DOCK3: variants seen among roughly 807,000 people sequenced by gnomAD.
The protein encoded by DOCK3 is dedicator of cytokinesis 3, also known as dedicator of cytokinesis protein 3.
In DOCK3, 60 loss-of-function variants were observed where a neutral mutation model predicts 265.6. The observed-to-expected ratio is 0.23, with a 90% CI of 0.18 to 0.28. The LOEUF (loss-of-function observed/expected upper bound fraction) is 0.28. Among genes scored for constraint, DOCK3 ranks in the 10% least tolerant of loss-of-function variants. The pLI, the probability that DOCK3 is intolerant of heterozygous loss-of-function variation, is 1.00. For missense variants in DOCK3, 1,981 were observed against 2,594.3 expected (o/e 0.76, Z 5.14); for synonymous variants, 881 against 938.0 (o/e 0.94, Z 1.11).
chr3:51,362,460 ACT>A, intron 48 of DOCK3, 65 bp from the exon 49 acceptor site: 1 of 1,604,118 alleles, frequency 6.2e-7, no homozygotes, highest in Non-Finnish European at 8.5e-7. Flanking sequence ...GAAAAAGCAA[ACT>A]CTGTGCCAGC....
chr3:51,018,081 G>A (rs1181458323), intron 5 of DOCK3, among the ~76,000 whole-genome samples: 3 of 151,168 alleles, frequency 2.0e-5, no homozygotes, highest in African/African-American at 7.4e-5. Context: ...GAGTAGAGAT[G>A]GGGTTTCACT....
chr3:51,107,963 A>G (rs2083357463), intron 9 of DOCK3, among the ~76,000 whole-genome samples: 2 of 152,206 alleles, frequency 1.3e-5, no homozygotes, highest in Non-Finnish European at 2.9e-5. Flanking sequence ...CTACAAAGGG[A>G]AGCCCATCAA....
intron 12 of DOCK3, among the ~76,000 whole-genome samples, chr3:51,180,285 G>T (rs1219663082): frequency 6.6e-6 from 1 of 151,660 alleles, no homozygotes; most frequent in Admixed American, 6.6e-5. Context: ...TGAGATCATG[G>T]TTTAGATTTA....
intron 12 of DOCK3, among the ~76,000 whole-genome samples, chr3:51,179,833 G>A (rs1222383110): frequency 2.6e-5 from 4 of 151,984 alleles, no homozygotes; most frequent in Non-Finnish European, 5.9e-5. Context: ...GATTGCTTGA[G>A]CCTGGAAGTT....
chr3:50,956,977 C>T (rs542350861), intron 5 of DOCK3, among the ~76,000 whole-genome samples: 196 of 152,284 alleles, frequency 1.3e-3, no homozygotes, highest in Non-Finnish European at 2.3e-3. Flanking sequence ...ATTCTCATGC[C>T]TCCGCCTTCG....
chr3:51,373,649 C>T (rs926789408), intron 49 of DOCK3, among the ~76,000 whole-genome samples: 7 of 152,234 alleles, frequency 4.6e-5, no homozygotes, highest in African/African-American at 1.7e-4. Flanking sequence ...ATGGTGTGGC[C>T]TCCATAACAG....
At chr3:51,133,237 A>G (rs2084641743) in intron 9 of DOCK3, among the ~76,000 whole-genome samples, 1 of 152,012 alleles carries the variant, frequency 6.6e-6, no homozygotes, top group Admixed American at 6.5e-5. Flanking sequence ...CATATGTTAC[A>G]TGTGCCATGT....
intron 5 of DOCK3, among the ~76,000 whole-genome samples, chr3:50,940,745 C>T (rs2076269746): frequency 6.6e-6 from 1 of 151,942 alleles, no homozygotes; most frequent in Non-Finnish European, 1.5e-5. Context: ...CTTAAAGGGA[C>T]CAAGATAGAG....
At chr3:51,275,014 A>G (rs1253197408) in intron 24 of DOCK3, 65 bp from the exon 25 acceptor site, 67 of 1,604,926 alleles carry the variant, frequency 4.2e-5, no homozygotes, top group Non-Finnish European at 5.0e-5. Flanking sequence ...CCACAATGCC[A>G]CTGGCTTCCT....
intron 5 of DOCK3, among the ~76,000 whole-genome samples, chr3:51,049,302 G>A (rs4596182): frequency 0.84 from 127,620 of 151,838 alleles, 54,057 homozygotes; most frequent in East Asian, 0.95. Context: ...CTCCTGCCTG[G>A]GTGAAAGAGT....
intron 1 of DOCK3, among the ~76,000 whole-genome samples, chr3:50,730,999 G>A (rs1253984050): frequency 6.6e-6 from 1 of 151,792 alleles, no homozygotes; most frequent in Admixed American, 6.6e-5. Flanking sequence ...GGGCGTGGTG[G>A]TGGGCGCCTA....
In DOCK3 at chr3:50,675,603, A is replaced by G. The variant is rs935938901; in HGVS notation, c.37+303A>G. On this transcript the variant is annotated intron_variant, in intron 1 of 52. Transcript: ENST00000266037. This position sits in a 1 kb window ranked among gnomAD's most constrained non-coding sequence, Gnocchi z 6.1. ...GGTTTCTGGTGTGGGCCACGGGGCAATTTTACCCGATAAACCAAATTCTGG... is the reference window on the plus strand; with the variant it reads ...GGTTTCTGGTGTGGGCCACGGGGCAGTTTTACCCGATAAACCAAATTCTGG... 3.3e-5 allele frequency among the ~76,000 whole-genome samples: 5 copies of G among 152,148 alleles called. No homozygotes were observed. Among genetic ancestry groups the G allele is most frequent in the Non-Finnish European group, 7.4e-5 (5 of 68,008 alleles).
chr3:51,270,707 T>C (rs2080448388), intron 23 of DOCK3, 108 bp from the exon 24 acceptor site: 3 of 1,166,456 alleles, frequency 2.6e-6, no homozygotes, highest in Non-Finnish European at 2.4e-6. Flanking sequence ...AAGGCAGAGA[T>C]GCTACAGTGC....
chr3:51,201,835 G>A (rs1161742180), intron 12 of DOCK3, among the ~76,000 whole-genome samples: 4 of 152,158 alleles, frequency 2.6e-5, no homozygotes, highest in African/African-American at 9.7e-5. Flanking sequence ...TCAGACCACA[G>A]TGCAATCAAA....
chr3:51,140,622 A>G (rs1375221108), intron 9 of DOCK3, among the ~76,000 whole-genome samples: 1 of 152,162 alleles, frequency 6.6e-6, no homozygotes, highest in Non-Finnish European at 1.5e-5. Context: ...ACCTAGGAGT[A>G]GAATTTCTGG....
intron 1 of DOCK3, among the ~76,000 whole-genome samples, chr3:50,751,973 CT>C (rs1429583952): frequency 6.6e-6 from 1 of 152,064 alleles, no homozygotes; most frequent in Non-Finnish European, 1.5e-5. Flanking sequence ...ATCCAATCAC[CT>C]TCTACCAGGT....
At chr3:51,124,210 T>C (rs752712002) in intron 9 of DOCK3, among the ~76,000 whole-genome samples, 24 of 152,148 alleles carry the variant, frequency 1.6e-4, no homozygotes, top group Non-Finnish European at 2.2e-4. Context: ...GAAATTGATA[T>C]AGTTTTCTCT....
chr3:50,712,746 T>G (rs536566977), intron 1 of DOCK3, among the ~76,000 whole-genome samples: 6 of 152,236 alleles, frequency 3.9e-5, no homozygotes, highest in Admixed American at 2.0e-4. Flanking sequence ...TAGGAGTGTG[T>G]TGTTTAATTT....
intron 14 of DOCK3, among the ~76,000 whole-genome samples, chr3:51,225,055 C>T (rs2090268147): frequency 6.6e-6 from 1 of 150,534 alleles, no homozygotes; most frequent in Non-Finnish European, 1.5e-5. Flanking sequence ...TCCCAGTGCA[C>T]TTGCAAACAA....
Sources: allele counts gnomAD v4.1 joint callset (sites outside exome capture counted in the v4.1 genomes callset), GRCh38; gene constraint gnomAD v4.1.1; non-coding constraint Gnocchi (gnomAD v3.1); transcripts MANE v1.5; gene names NCBI Gene and HGNC (gene_info 2026-07-23, HGNC 2026-07-21).